The following ACTR8 variants were observed in gnomAD, a reference collection of about 807,000 sequenced individuals.
The protein encoded by ACTR8 is actin-related protein 8.
A neutral mutation model predicts 84.3 loss-of-function variants in ACTR8; 70 were observed. The observed-to-expected ratio is 0.83, with a 90% CI of 0.68 to 1.01. ACTR8 has a LOEUF of 1.01. ACTR8 is among the 50% of genes least tolerant of loss of function. The probability of loss-of-function intolerance (pLI) is 0.00; values close to 1 mark genes in which losing one functional copy is unlikely to be tolerated. For synonymous variants in ACTR8, 268 were observed against 275.2 expected, an observed-to-expected ratio of 0.97 and a Z score of 0.26; for missense variants, 672 against 775.4, an observed-to-expected ratio of 0.87 and a Z score of 1.58.
the ACTR8 span, chr3:53,860,356 A>C: frequency 1.5e-6 from 1 of 655,498 alleles, no homozygotes; most frequent in Non-Finnish European, 2.6e-6. Flanking sequence ...TTTATGTAAT[A>C]CCTTCAAGTG....
chr3:53,877,349 G>A lies in ACTR8; in HGVS notation c.549C>T (p.His183=). 3.7e-6 allele frequency: 6 copies of A among 1,613,730 alleles called. No individual in the cohort carries two copies. Among genetic ancestry groups the A allele is most frequent in the Non-Finnish European group, 5.1e-6 (6 of 1,179,876 alleles). ...TTAACTGACCTCTTCTGATAGGCCA[G>A]TGAATATTGTAACAGTCCAGTGGAT... ...YVNPLDCYNI[H]WPIRRGQLNI... Residue 183 remains histidine, a synonymous_variant, in exon 5 of 13, where the codon CAC becomes CAT. Coordinates refer to ENST00000335754, the MANE Select transcript of ACTR8 (RefSeq NM_022899.5).
intron 6 of ACTR8, among the ~76,000 whole-genome samples, chr3:53,876,314 G>A (rs922392415): frequency 3.3e-5 from 5 of 151,978 alleles, no homozygotes; most frequent in African/African-American, 1.2e-4. Context: ...GTCAGGAGAT[G>A]GAGACGATCC....
chr3:53,869,909 A>G, intron 12 of ACTR8, 73 bp downstream of exon 12: 1 of 1,548,934 alleles, frequency 6.5e-7, no homozygotes, highest in South Asian at 1.2e-5. Context: ...CATGCCTCCC[A>G]GGATTTGATC....
In ACTR8 at chr3:53,876,057, C is replaced by A; in HGVS notation, c.802G>T (p.Val268Leu). 1 of 1,610,960 alleles carries A rather than the reference C, an allele frequency of 6.2e-7. No homozygotes were observed. The highest frequency in any genetic ancestry group is 8.5e-7 in the Non-Finnish European group (1 of 1,179,728). The part of the protein sequence containing the change: ...FSGIVVHQES[V>L]CATYGSGLSS... ...AAGCCACTTCCATAGGTGGCACACA[C>A]AGACTCCTGATGGACCACAATCCCT... Residue 268 changes from valine (V) to leucine (L), a missense_variant, in exon 7 of 13, where the codon GTG becomes TTG. Val to Leu is a conservative substitution (Grantham distance 32). Transcript: ENST00000335754.
intron 5 of ACTR8, among the ~76,000 whole-genome samples, 179 bp from the exon 6 acceptor site, chr3:53,876,892 G>T (rs1576866433): frequency 6.7e-6 from 1 of 149,890 alleles, no homozygotes; most frequent in Non-Finnish European, 1.5e-5. Flanking sequence ...ATGCTCAAGT[G>T]TTTTTTTTTC....
intron 1 of ACTR8, 76 bp downstream of exon 1, chr3:53,881,903 C>G (rs2276843): frequency 2.9e-5 from 45 of 1,544,148 alleles, no homozygotes; most frequent in Middle Eastern, 2.0e-4. Context: ...CGAAGCCTCC[C>G]GCCGCCTCCC....
chr3:53,859,407 C>G, the ACTR8 span: 1 of 152,386 alleles, frequency 6.6e-6, no homozygotes, highest in Non-Finnish European at 1.5e-5. Context: ...TGTCATTAGA[C>G]GCAGCCAAAT....
chr3:53,864,394 G>T (rs569306035), downstream of ACTR8, among the ~76,000 whole-genome samples: 5 of 152,258 alleles, frequency 3.3e-5, no homozygotes, highest in East Asian at 9.7e-4. Flanking sequence ...AATTAGCCAG[G>T]CGTGGTGGCG....
chr3:53,865,813 A>G (rs1699764566), downstream of ACTR8: 1 of 153,846 alleles, frequency 6.5e-6, no homozygotes, highest in Non-Finnish European at 1.4e-5. Flanking sequence ...GGACCAAATG[A>G]TCTATTATAT....
the ACTR8 span, chr3:53,860,285 T>C: frequency 6.9e-7 from 1 of 1,453,560 alleles, no homozygotes; most frequent in Non-Finnish European, 9.5e-7. Flanking sequence ...TTTGAATTTT[T>C]TTTTAAAGAA....
chr3:53,878,491 C>G lies in ACTR8; in HGVS notation c.295-24G>C, dbSNP rs369778786. 271 of 1,402,882 alleles carry G rather than the reference C, an allele frequency of 1.9e-4. 1 individual carries two copies. The African/African-American group carries it at 3.5e-3, about 18-fold the overall frequency. 86.9% of individuals were successfully genotyped at this position (1,402,882 alleles called of 1,614,324 possible). The stretch of plus-strand genomic sequence containing the variant: ...TTCTGGGGAAAAAATGAAAGATGAG[C>G]AGTACAAAGGATTTAATGAGAAGAC... On this transcript the variant is annotated intron_variant, in intron 2 of 12. Transcript: ENST00000335754.
chr3:53,878,292 C>T (rs1291996494), intron 3 of ACTR8, 65 bp downstream of exon 3: 5 of 1,197,632 alleles, frequency 4.2e-6, no homozygotes, highest in Admixed American at 3.6e-5. Context: ...ATAGGAAGAA[C>T]ATGTGAATGG....
At position 53,867,126 on chromosome 3, in the gene ACTR8, G is replaced by A. The variant is rs1349958086; in HGVS notation, c.*1593C>T. 2 of 152,188 alleles carry A rather than the reference G, an allele frequency of 1.3e-5. No individual in the cohort carries two copies. The highest frequency in any genetic ancestry group is 2.9e-5 in the Non-Finnish European group (2 of 68,038). 9.4% of individuals were successfully genotyped at this position (152,188 alleles called of 1,614,324 possible). On this transcript the variant is annotated 3_prime_UTR_variant, in exon 13 of 13. Transcript: ENST00000335754. ...AGTTTTCACAGTGCTTGTAAGTGCT[G>A]GTAATAGAAGATGGACATGGTTTAG... is the stretch of plus-strand genomic sequence containing the variant.
chr3:53,868,843 A>G lies in ACTR8; in HGVS notation c.1751T>C (p.Ile584Thr), dbSNP rs768348792. The G allele has an allele frequency of 1.2e-6, 2 of 1,614,126 alleles. No individual in the cohort carries two copies. The highest frequency in any genetic ancestry group is 8.5e-7 in the Non-Finnish European group (1 of 1,179,994). The change falls in exon 13 of 13, where the codon ATT becomes ACT. Residue 584 changes from isoleucine (I) to threonine (T), a missense_variant. By Grantham distance (89) the Ile-to-Thr change is moderately conservative (BLOSUM62 -1). Transcript: ENST00000335754. ...CAACACTGCCCCTCCTTTCCATGCA[A>G]TCAGCCGGGGGTCCATGTCCTACAG... ...TRPKDMDPRLIAWKGGAVLAC... is the reference protein window; with the variant it reads ...TRPKDMDPRLTAWKGGAVLAC...
intron 8 of ACTR8, 133 bp downstream of exon 8, chr3:53,874,078 C>A (rs1699930556): frequency 1.2e-6 from 1 of 827,020 alleles, no homozygotes; most frequent in Non-Finnish European, 1.7e-6. Flanking sequence ...CCCACCTCGG[C>A]CTCCCAAAGT....
At chr3:53,865,227 T>G (rs1224616898), downstream of ACTR8, 1 of 1,613,808 alleles carries the variant, frequency 6.2e-7, no homozygotes. Flanking sequence ...CTGCTTTCTG[T>G]GCAGAACTTC....
chr3:53,876,667 T>C lies in ACTR8; in HGVS notation c.731A>G (p.His244Arg). ...TATCATATTCACTAGTTCTTTCACA[T>C]GCTGCTTATTATAGATATCAGGAAT... is the stretch of plus-strand genomic sequence containing the variant. ...LLIPDIYNKQ[H>R]VKELVNMILM... Residue 244 changes from histidine (H) to arginine (R), a missense_variant, in exon 6 of 13, where the codon CAT becomes CGT. By Grantham distance (29) the His-to-Arg change is conservative (BLOSUM62 0). Coordinates refer to ENST00000335754, the MANE Select transcript of ACTR8 (RefSeq NM_022899.5). 1 of 1,576,552 alleles carries C rather than the reference T, an allele frequency of 6.3e-7. No individual in the cohort carries two copies. The highest frequency in any genetic ancestry group is 8.7e-7 in the Non-Finnish European group (1 of 1,152,506).
At chr3:53,881,820 C>A in intron 1 of ACTR8, 159 bp downstream of exon 1, 2 of 1,236,802 alleles carry the variant, frequency 1.6e-6, no homozygotes, top group Non-Finnish European at 1.1e-6. Flanking sequence ...GGCGTCCCGG[C>A]GCGCCACCAC....
chr3:53,866,470 T>G (rs558806352), downstream of ACTR8, among the ~76,000 whole-genome samples: 1 of 152,154 alleles, frequency 6.6e-6, no homozygotes, highest in East Asian at 2.0e-4. Flanking sequence ...TAAAAGCATC[T>G]TTTTTAAATT....
Sources: allele counts gnomAD v4.1 joint callset (sites outside exome capture counted in the v4.1 genomes callset), GRCh38; gene constraint gnomAD v4.1.1; transcripts MANE v1.5; gene names NCBI Gene and HGNC (gene_info 2026-07-23, HGNC 2026-07-21).